Variants in KCNQ1 observed in about 807,000 individuals in gnomAD.
KCNQ1 encodes the protein potassium voltage-gated channel subfamily Q member 1.
A neutral mutation model predicts 72.4 loss-of-function variants in KCNQ1; 49 were observed. The ratio of observed to expected loss-of-function variants is 0.68; its 90% confidence interval spans 0.54 to 0.86. The LOEUF is 0.86. Ranked by LOEUF, KCNQ1 falls within the 40% of genes least tolerant of loss-of-function variation. The probability of loss-of-function intolerance (pLI) is 0.00; values close to 1 mark genes in which losing one functional copy is unlikely to be tolerated. For synonymous variants in KCNQ1, 450 were observed against 412.6 expected, an observed-to-expected ratio of 1.09 and a Z score of -1.10; for missense variants, 790 against 945.1, an observed-to-expected ratio of 0.84 and a Z score of 2.15.
At chr11:2,545,317 T>A (rs1847889558) in intron 2 of KCNQ1, among the ~76,000 whole-genome samples, 1 of 152,222 alleles carries the variant, frequency 6.6e-6, no homozygotes, top group Admixed American at 6.5e-5. Context: ...TCTCTCTCCC[T>A]TTTAGAGGTG....
chr11:2,484,232 CG>C lies in KCNQ1; in HGVS notation c.386+38750del, dbSNP rs1177877383. Among the ~76,000 whole-genome samples the C allele has an allele frequency of 5.9e-5, 9 of 152,106 alleles. No individual in the cohort carries two copies. The highest frequency in any genetic ancestry group is 2.2e-4 in the African/African-American group (9 of 41,410). ...AGGCTGGAGTGCAGTGGCATGATCT[CG>C]GCTCACTGAAACCTCTGCCTCCGGG... is the stretch of plus-strand genomic sequence containing the variant. On this transcript the variant is annotated intron_variant, in intron 1 of 15. Coordinates refer to ENST00000155840, the MANE Select transcript of KCNQ1 (RefSeq NM_000218.3). This position sits in a 1 kb window ranked among gnomAD's most constrained non-coding sequence, Gnocchi z 5.2.
intron 13 of KCNQ1, 27 bp from the exon 14 acceptor site, chr11:2,776,959 A>T (rs1160646131): frequency 6.2e-7 from 1 of 1,612,922 alleles, no homozygotes; most frequent in Non-Finnish European, 8.5e-7. Flanking sequence ...GCCAGGTGTG[A>T]ACTGGTGTCT....
intron 11 of KCNQ1, among the ~76,000 whole-genome samples, chr11:2,716,188 C>T (rs900680047): frequency 2.0e-5 from 3 of 152,092 alleles, no homozygotes; most frequent in Admixed American, 2.0e-4. Context: ...TTGGAGGGGT[C>T]GTGAATAACC....
In KCNQ1 at chr11:2,478,775, C is replaced by G. The variant is rs145367389; in HGVS notation, c.386+33291C>G. Among the ~76,000 whole-genome samples, 646 of 152,288 alleles carry G rather than the reference C, an allele frequency of 4.2e-3. 1 individual carries two copies. Among genetic ancestry groups the G allele is most frequent in the African/African-American group, 0.011 (449 of 41,564 alleles). On this transcript the variant is annotated intron_variant, in intron 1 of 15. Coordinates refer to ENST00000155840, the MANE Select transcript of KCNQ1 (RefSeq NM_000218.3). The surrounding 1 kb of genome is among the most constrained non-coding windows in gnomAD (Gnocchi z 4.0). ...TGCCTTCCCAACGGTGCCCCAAAGT[C>G]TTAACTCATTTCAGCATTAACTCAA... is the stretch of plus-strand genomic sequence containing the variant.
Position 2,626,708 on chromosome 11 carries a change from T to G in KCNQ1, c.1394-35253T>G, listed in dbSNP as rs964676067. 1.0e-5 allele frequency: 4 copies of G among 398,496 alleles called. No homozygotes were observed. The highest frequency in any genetic ancestry group is 1.3e-5 in the Non-Finnish European group (3 of 226,062). 24.7% of individuals were successfully genotyped at this position (398,496 alleles called of 1,614,324 possible). On this transcript the variant is annotated intron_variant, in intron 10 of 15. Coordinates refer to ENST00000155840, the MANE Select transcript of KCNQ1 (RefSeq NM_000218.3). This position sits in a 1 kb window ranked among gnomAD's most constrained non-coding sequence, Gnocchi z 4.0. ...TACACCTGGCCAATTATTTTATTTT[T>G]TGTAGAGATGAGGTCTCCCTGTGTT... is the stretch of plus-strand genomic sequence containing the variant.
At position 2,817,814 on chromosome 11, in the gene KCNQ1, G is replaced by A. The variant is rs1008314715; in HGVS notation, c.1795-29953G>A. Among the ~76,000 whole-genome samples the A allele has an allele frequency of 5.3e-5, 8 of 152,062 alleles. No individual in the cohort carries two copies. Among genetic ancestry groups the A allele is most frequent in the Admixed American group, 3.3e-4 (5 of 15,266 alleles). ...CCTTGGGCTGCAACTTAAATTCCAA[G>A]GAGAGATCCTGAATCCAGAGTCACA... is the stretch of plus-strand genomic sequence containing the variant. On this transcript the variant is annotated intron_variant, in intron 15 of 15. Coordinates refer to ENST00000155840, the MANE Select transcript of KCNQ1 (RefSeq NM_000218.3). This position sits in a 1 kb window ranked among gnomAD's most constrained non-coding sequence, Gnocchi z 6.1.
chr11:2,661,349 A>G lies in KCNQ1; in HGVS notation c.1394-612A>G, dbSNP rs1849952685. 1 of 405,122 alleles carries G rather than the reference A, an allele frequency of 2.5e-6. No individual in the cohort carries two copies. Among genetic ancestry groups the G allele is most frequent in the Non-Finnish European group, 4.4e-6 (1 of 229,508 alleles). 25.1% of individuals were successfully genotyped at this position (405,122 alleles called of 1,614,324 possible). On this transcript the variant is annotated intron_variant, in intron 10 of 15. Transcript: ENST00000155840. The surrounding 1 kb of genome is among the most constrained non-coding windows in gnomAD (Gnocchi z 5.9). ...ATCAGTATCCTGAGCTCCTGTGTCA[A>G]AGTTGCAGAGGTGGGCCCAGGAATC...
At position 2,603,527 on chromosome 11, in the gene KCNQ1, CA is replaced by C. The variant is rs1564830678; in HGVS notation, c.1393+14676del. Among the ~76,000 whole-genome samples, 1 of 152,154 alleles carries C rather than the reference CA, an allele frequency of 6.6e-6. No homozygotes were observed. The highest frequency in any genetic ancestry group is 1.5e-5 in the Non-Finnish European group (1 of 68,028). The stretch of plus-strand genomic sequence containing the variant: ...CCCAGTGCCTTTTAAATATCACCCC[CA>C]AACCCACTATTCCATCCCCCTCAGC... On this transcript the variant is annotated intron_variant, in intron 10 of 15. Transcript: ENST00000155840. The surrounding 1 kb of genome is among the most constrained non-coding windows in gnomAD (Gnocchi z 4.1).
At chr11:2,501,629 T>C (rs1847010749) in intron 1 of KCNQ1, among the ~76,000 whole-genome samples, 1 of 148,164 alleles carries the variant, frequency 6.7e-6, no homozygotes, top group African/African-American at 2.5e-5. Flanking sequence ...CTTCTGAAAC[T>C]ATTATGAAAA....
rs1850353737 is a variant in KCNQ1, at chr11:2,679,625, C to T, written c.1514+17544C>T. 5.0e-6 allele frequency: 2 copies of T among 398,578 alleles called. No individual in the cohort carries two copies. The highest frequency in any genetic ancestry group is 7.1e-5 in the East Asian group (2 of 28,082). The allele number at this position is 398,578 out of a possible 1,614,324, so 24.7% of individuals were successfully genotyped here. ...GGCGAGTTGGAATGAATAGTATCAG[C>T]ATCAGAAAAAATACAAGTGCATCCT... On this transcript the variant is annotated intron_variant, in intron 11 of 15. Coordinates refer to ENST00000155840, the MANE Select transcript of KCNQ1 (RefSeq NM_000218.3). This position sits in a 1 kb window ranked among gnomAD's most constrained non-coding sequence, Gnocchi z 4.8.
At chr11:2,747,269 G>A (rs1218057823) in intron 11 of KCNQ1, among the ~76,000 whole-genome samples, 1 of 152,226 alleles carries the variant, frequency 6.6e-6, no homozygotes, top group Admixed American at 6.5e-5. Context: ...TTCTCCAATG[G>A]GGACTGTGCA....
Position 2,673,564 on chromosome 11 carries a change from G to A in KCNQ1, c.1514+11483G>A. ...AGCCTATCCCCTCCCTGGCCATGCA[G>A]GTGGAAGACCCTATTACTTGGGCTA... On this transcript the variant is annotated intron_variant, in intron 11 of 15. Transcript: ENST00000155840. The surrounding 1 kb of genome is among the most constrained non-coding windows in gnomAD (Gnocchi z 4.5). 3 of 398,712 alleles carry A rather than the reference G, an allele frequency of 7.5e-6. No individual in the cohort carries two copies. Among genetic ancestry groups the A allele is most frequent in the South Asian group, 1.3e-4 (1 of 7,858 alleles). The allele number at this position is 398,712 out of a possible 1,614,324, so 24.7% of individuals were successfully genotyped here.
rs1339312512 is a variant in KCNQ1 at position 2,683,971 on chromosome 11, T to G, written c.1514+21890T>G. The G allele has an allele frequency of 1.3e-5, 5 of 398,462 alleles. No individual in the cohort carries two copies. Among genetic ancestry groups the G allele is most frequent in the Non-Finnish European group, 2.2e-5 (5 of 226,052 alleles). The allele number at this position is 398,462 out of a possible 1,614,324, so 24.7% of individuals were successfully genotyped here. A position where few individuals can be genotyped will look rare whatever the true frequency, so the allele number is the denominator to read the frequency against. ...GCTGACTGCTTTTACTTTTTTTTTT[T>G]TTTCATTTAGAAGAATTTCCTTGGC... On this transcript the variant is annotated intron_variant, in intron 11 of 15. Transcript: ENST00000155840. The surrounding 1 kb of genome is among the most constrained non-coding windows in gnomAD (Gnocchi z 4.7).
In KCNQ1 at chr11:2,663,292, C is replaced by T. The variant is rs1850003554; in HGVS notation, c.1514+1211C>T. The T allele has an allele frequency of 2.5e-6, 1 of 398,654 alleles. No individual in the cohort carries two copies. Among genetic ancestry groups the T allele is most frequent in the African/African-American group, 2.1e-5 (1 of 48,616 alleles). The allele number at this position is 398,654 out of a possible 1,614,324, so 24.7% of individuals were successfully genotyped here. On this transcript the variant is annotated intron_variant, in intron 11 of 15. Transcript: ENST00000155840. The surrounding 1 kb of genome is among the most constrained non-coding windows in gnomAD (Gnocchi z 5.2). ...ACCCTGAGAATAGGGCTCTGAGCTT[C>T]TGGGCCCCTCCTGGCTGGGTAAAAA... is the stretch of plus-strand genomic sequence containing the variant.
chr11:2,710,334 T>C lies in KCNQ1; in HGVS notation c.1514+48253T>C, dbSNP rs773120371. 6.6e-6 allele frequency among the ~76,000 whole-genome samples: 1 copy of C among 152,244 alleles called. No homozygotes were observed. The highest frequency in any genetic ancestry group is 1.5e-5 in the Non-Finnish European group (1 of 68,048). ...AAATTTTAATTGGGTTGTGTTTTTA[T>C]TATTTAGTAGAGTTCTTTATAGTCT... On this transcript the variant is annotated intron_variant, in intron 11 of 15. Coordinates refer to ENST00000155840, the MANE Select transcript of KCNQ1 (RefSeq NM_000218.3). This position sits in a 1 kb window ranked among gnomAD's most constrained non-coding sequence, Gnocchi z 4.1.
chr11:2,449,954 G>A (rs991376632), intron 1 of KCNQ1, among the ~76,000 whole-genome samples: 11 of 152,168 alleles, frequency 7.2e-5, no homozygotes, highest in Admixed American at 2.0e-4. Flanking sequence ...CTGATGCAGC[G>A]GGTCCAGGGA....
Position 2,653,910 on chromosome 11 carries a change from T to C in KCNQ1, c.1394-8051T>C, listed in dbSNP as rs1305995703. On this transcript the variant is annotated intron_variant, in intron 10 of 15. Coordinates refer to ENST00000155840, the MANE Select transcript of KCNQ1 (RefSeq NM_000218.3). This position sits in a 1 kb window ranked among gnomAD's most constrained non-coding sequence, Gnocchi z 5.3. ...GCCCCCTAAGGAAGATTTGAGAAGC[T>C]GTTCCCAGAAGCCAGGCCTGGCTGC... 5.0e-6 allele frequency: 2 copies of C among 398,606 alleles called. No homozygotes were observed. The highest frequency in any genetic ancestry group is 2.1e-5 in the African/African-American group (1 of 48,636). 24.7% of individuals were successfully genotyped at this position (398,606 alleles called of 1,614,324 possible).
chr11:2,771,935 G>T (rs1846607404), intron 12 of KCNQ1, among the ~76,000 whole-genome samples: 1 of 152,180 alleles, frequency 6.6e-6, no homozygotes, highest in Non-Finnish European at 1.5e-5. Context: ...GAAGCAGACT[G>T]GGAAACCCCC....
At position 2,645,369 on chromosome 11, in the gene KCNQ1, G is replaced by A. The variant is rs1435540504; in HGVS notation, c.1394-16592G>A. The A allele has an allele frequency of 1.8e-5, 7 of 398,624 alleles. No individual in the cohort carries two copies. The Admixed American group carries it at 3.1e-4, about 18-fold the overall frequency. 24.7% of individuals were successfully genotyped at this position (398,624 alleles called of 1,614,324 possible). On this transcript the variant is annotated intron_variant, in intron 10 of 15. Transcript: ENST00000155840. The surrounding 1 kb of genome is among the most constrained non-coding windows in gnomAD (Gnocchi z 5.8). ...CAGAGATGGTATGCGCTGGCACTGG[G>A]AGAAAAGAGGGTGGGACCAGGCCAG...
Sources: allele counts gnomAD v4.1 joint callset (sites outside exome capture counted in the v4.1 genomes callset), GRCh38; gene constraint gnomAD v4.1.1; non-coding constraint Gnocchi (gnomAD v3.1); transcripts MANE v1.5; gene names NCBI Gene and HGNC (gene_info 2026-07-23, HGNC 2026-07-21).